Variants in ATP10B observed in about 807,000 individuals in gnomAD.
ATP10B encodes phospholipid-transporting ATPase VB.
A neutral mutation model predicts 141.2 loss-of-function variants in ATP10B; 122 were observed. The observed-to-expected ratio is 0.86, with a 90% confidence interval of 0.75 to 1.00. The LOEUF (loss-of-function observed/expected upper bound fraction) is 1.00, where lower values mean the gene tolerates loss of function less well. Ranked by LOEUF, ATP10B falls within the 50% of genes least tolerant of loss-of-function variation. The pLI, the probability that ATP10B is intolerant of heterozygous loss-of-function variation, is 0.00. For synonymous variants in ATP10B, 685 were observed against 692.0 expected (o/e 0.99, Z 0.16); for missense variants, 1,876 against 1,825.3 (o/e 1.03, Z -0.51).
chr5:160,859,132 C>T, the ATP10B span, among the ~76,000 whole-genome samples: 3 of 151,840 alleles, frequency 2.0e-5, no homozygotes, highest in Non-Finnish European at 1.5e-5. Context: ...GGTTTTCCTT[C>T]ATTTGCAAAT....
chr5:160,837,558 T>C (rs1775529101), intron 1 of ATP10B, among the ~76,000 whole-genome samples: 1 of 152,180 alleles, frequency 6.6e-6, no homozygotes, highest in Non-Finnish European at 1.5e-5. Context: ...AATATGATTT[T>C]TTTCAGTAAA....
chr5:160,617,119 G>A (rs1186350540), intron 16 of ATP10B, among the ~76,000 whole-genome samples: 1 of 152,176 alleles, frequency 6.6e-6, no homozygotes, highest in Non-Finnish European at 1.5e-5. Context: ...AAAAGTCCTG[G>A]GGATTTATGC....
intron 3 of ATP10B, among the ~76,000 whole-genome samples, chr5:160,693,611 T>A (rs1764205059): frequency 1.3e-5 from 2 of 152,162 alleles, no homozygotes; most frequent in African/African-American, 4.8e-5. Flanking sequence ...AGGTGTTGCA[T>A]AGAGCAGAGG....
rs1206510881 is a variant in ATP10B, at chr5:160,620,677, C to T, written c.2086G>A (p.Gly696Ser). The T allele has an allele frequency of 6.2e-7, 1 of 1,613,744 alleles. No homozygotes were observed. Among genetic ancestry groups the T allele is most frequent in the African/African-American group, 1.3e-5 (1 of 74,940 alleles). The change falls in exon 15 of 26, where the codon GGC (glycine) becomes AGC (serine). Residue 696 changes from glycine to serine, a missense_variant. Gly to Ser is a moderately conservative substitution (Grantham distance 56). Coordinates refer to ENST00000327245, the MANE Select transcript of ATP10B (RefSeq NM_025153.3). ...DQGDILESGSGTSLEEALEAP... is the reference protein window; with the variant it reads ...DQGDILESGSSTSLEEALEAP... ...TCCAATGCCTCCTCCAAGGAAGTGC[C>T]TGACCCAGACTCCAGGATGTCGCCC...
chr5:160,753,187 C>T (rs1413270225), intron 2 of ATP10B, among the ~76,000 whole-genome samples: 1 of 145,542 alleles, frequency 6.9e-6, no homozygotes, highest in East Asian at 1.9e-4. Context: ...GAGGGTGAAG[C>T]CGTGCTTATC....
intron 24 of ATP10B, among the ~76,000 whole-genome samples, chr5:160,586,676 G>A (rs995786174): frequency 2.0e-5 from 3 of 152,154 alleles, no homozygotes; most frequent in Non-Finnish European, 4.4e-5. Flanking sequence ...TCTGACTGGC[G>A]TGAGATGGTA....
intron 2 of ATP10B, among the ~76,000 whole-genome samples, chr5:160,751,924 A>C (rs1297257212): frequency 6.6e-6 from 1 of 152,180 alleles, no homozygotes; most frequent in Non-Finnish European, 1.5e-5. Flanking sequence ...TCTGAACATG[A>C]AGTTCTAACT....
At position 160,564,490 on chromosome 5, in the gene ATP10B, G is replaced by A. The variant is rs1754425318; in HGVS notation, c.*963C>T. On this transcript the variant is annotated 3_prime_UTR_variant, in exon 26 of 26. Coordinates refer to ENST00000327245, the MANE Select transcript of ATP10B (RefSeq NM_025153.3). Reference sequence around the variant, plus strand: ...CCCATTCTGGAATAGGCTGAATGGGGTTTCAGATTAGTTCTACCCTTGAAG... The same window carrying A: ...CCCATTCTGGAATAGGCTGAATGGGATTTCAGATTAGTTCTACCCTTGAAG... The A allele has an allele frequency of 6.6e-6, 1 of 152,086 alleles. No homozygotes were observed. Among genetic ancestry groups the A allele is most frequent in the Non-Finnish European group, 1.5e-5 (1 of 68,020 alleles). The allele number at this position is 152,086 out of a possible 1,614,324, so 9.4% of individuals were successfully genotyped here.
chr5:160,698,579 A>G (rs1030276200), intron 3 of ATP10B, among the ~76,000 whole-genome samples: 3 of 152,306 alleles, frequency 2.0e-5, no homozygotes, highest in Admixed American at 2.0e-4. Context: ...ATTTGGACAC[A>G]TTGGTATTGT....
At chr5:160,629,726 G>T (rs11958990) in intron 13 of ATP10B, among the ~76,000 whole-genome samples, 3 of 152,162 alleles carry the variant, frequency 2.0e-5, no homozygotes, top group African/African-American at 7.2e-5. Context: ...CAGAACAATT[G>T]TCTTCATTTT....
intron 1 of ATP10B, among the ~76,000 whole-genome samples, chr5:160,816,254 G>A (rs538423181): frequency 7.6e-6 from 1 of 130,876 alleles, no homozygotes; most frequent in South Asian, 2.3e-4. Context: ...GAGACTGCTA[G>A]CAAGACTAAT....
At chr5:160,768,998 T>C (rs1248197868) in intron 2 of ATP10B, among the ~76,000 whole-genome samples, 1 of 152,168 alleles carries the variant, frequency 6.6e-6, no homozygotes, top group Non-Finnish European at 1.5e-5. Flanking sequence ...CTTCCCCATG[T>C]CATGGAAACA....
chr5:160,800,601 C>T (rs996325932), intron 1 of ATP10B, among the ~76,000 whole-genome samples: 7 of 152,174 alleles, frequency 4.6e-5, no homozygotes, highest in African/African-American at 1.7e-4. Context: ...TAAATATTTG[C>T]AGACTGATAA....
At chr5:160,867,082 CT>C in the ATP10B span, among the ~76,000 whole-genome samples, 3 of 151,992 alleles carry the variant, frequency 2.0e-5, no homozygotes, top group Admixed American at 1.3e-4. Flanking sequence ...AATTACCTAA[CT>C]TTTTTGAGCC....
the ATP10B span, among the ~76,000 whole-genome samples, chr5:160,886,429 C>G: frequency 6.6e-6 from 1 of 151,978 alleles, no homozygotes; most frequent in Non-Finnish European, 1.5e-5. Flanking sequence ...GTTTTGAGGC[C>G]CTGGATAGCT....
intron 2 of ATP10B, among the ~76,000 whole-genome samples, chr5:160,770,442 T>G (rs1410140665): frequency 1.3e-5 from 2 of 152,164 alleles, no homozygotes; most frequent in African/African-American, 2.4e-5. Flanking sequence ...GAACACATTT[T>G]TTTTCCTTTT....
At position 160,777,501 on chromosome 5, in the gene ATP10B, A is replaced by G. The variant is rs112609479; in HGVS notation, c.-331+8058T>C. Among the ~76,000 whole-genome samples the G allele has an allele frequency of 7.4e-3, 1,131 of 152,352 alleles. 15 individuals carry two copies. Among genetic ancestry groups the G allele is most frequent in the African/African-American group, 0.025 (1,047 of 41,584 alleles). ...CTCTAGTCTTCCAGCAAAGTCACCT[A>G]ATACAAGTACCTTTCTCTCATGGTA... On this transcript the variant is annotated intron_variant, in intron 2 of 25. Coordinates refer to ENST00000327245, the MANE Select transcript of ATP10B (RefSeq NM_025153.3).
intron 2 of ATP10B, among the ~76,000 whole-genome samples, chr5:160,770,731 C>T (rs901489379): frequency 6.6e-6 from 1 of 152,006 alleles, no homozygotes; most frequent in African/African-American, 2.4e-5. Flanking sequence ...ACATCAAAAC[C>T]ATGTTTTTAT....
chr5:160,656,947 T>C (rs1227760444), intron 7 of ATP10B, among the ~76,000 whole-genome samples: 2 of 152,224 alleles, frequency 1.3e-5, no homozygotes, highest in Non-Finnish European at 2.9e-5. Context: ...GCCATGCTTC[T>C]GTGAAACTCT....
Sources: gnomAD v4.1 joint callset for allele counts (sites outside exome capture counted in the v4.1 genomes callset) on GRCh38, gnomAD v4.1.1 for gene constraint, MANE v1.5 for transcripts, NCBI Gene and HGNC (gene_info 2026-07-23, HGNC 2026-07-21) for gene names.